Variants in LDLRAD4 observed in about 807,000 individuals in gnomAD.
LDLRAD4 encodes the protein low density lipoprotein receptor class A domain containing 4, also known as low-density lipoprotein receptor class A domain-containing protein 4.
Under a neutral mutation model 17.0 loss-of-function variants are expected in LDLRAD4, and 5 were observed. The observed-to-expected ratio is 0.29, with a 90% CI of 0.15 to 0.62. The LOEUF (loss-of-function observed/expected upper bound fraction) is 0.62. Among genes scored for constraint, LDLRAD4 ranks in the 20% least tolerant of loss-of-function variants. The pLI is 0.84. For synonymous variants in LDLRAD4, 168 were observed against 171.8 expected (o/e 0.98, Z 0.17); for missense variants, 340 against 424.7 (o/e 0.80, Z 1.75).
intron 1 of LDLRAD4, among the ~76,000 whole-genome samples, chr18:13,254,622 G>A (rs1283379070): frequency 6.6e-6 from 1 of 152,190 alleles, no homozygotes; most frequent in Non-Finnish European, 1.5e-5. Context: ...GACCTACAGT[G>A]AGCCTCAAGA....
chr18:13,447,451 A>G (rs569760234), intron 3 of LDLRAD4, among the ~76,000 whole-genome samples: 2 of 152,230 alleles, frequency 1.3e-5, no homozygotes, highest in East Asian at 3.9e-4. Context: ...GCCTTTTCAA[A>G]TAAACAAAGG....
At chr18:13,571,183 C>T (rs1785146) in intron 3 of LDLRAD4, among the ~76,000 whole-genome samples, 41,145 of 152,008 alleles carry the variant, frequency 0.27, 6,863 homozygotes, top group African/African-American at 0.46. Flanking sequence ...TATGCCTGGC[C>T]AGGCAGATTC....
intron 1 of LDLRAD4, among the ~76,000 whole-genome samples, chr18:13,225,720 T>C (rs2041747125): frequency 6.6e-6 from 1 of 152,246 alleles, no homozygotes; most frequent in Non-Finnish European, 1.5e-5. Flanking sequence ...ACTGAAATTA[T>C]CTATGATCTC....
intron 3 of LDLRAD4, among the ~76,000 whole-genome samples, chr18:13,512,524 G>T (rs1421039792): frequency 6.6e-6 from 1 of 152,146 alleles, no homozygotes; most frequent in Non-Finnish European, 1.5e-5. Context: ...TAATAGTTTT[G>T]CTGCTCTTGA....
intron 3 of LDLRAD4, among the ~76,000 whole-genome samples, chr18:13,468,624 G>A (rs57496512): frequency 0.078 from 11,930 of 152,040 alleles, 605 homozygotes; most frequent in East Asian, 0.13. Context: ...CGATAGACTG[G>A]ATTAAGAAAA....
At chr18:13,232,306 G>T (rs1450606835) in intron 1 of LDLRAD4, among the ~76,000 whole-genome samples, 2 of 152,184 alleles carry the variant, frequency 1.3e-5, no homozygotes, top group Non-Finnish European at 1.5e-5. Flanking sequence ...TGCCAGTGTG[G>T]CCCCTCTCCT....
At chr18:13,304,676 C>T (rs1452282800) in intron 1 of LDLRAD4, among the ~76,000 whole-genome samples, 1 of 152,216 alleles carries the variant, frequency 6.6e-6, no homozygotes. Context: ...GTTTAACCTG[C>T]TGCAGGTTTG....
chr18:13,641,661 C>T, intron 4 of LDLRAD4: 1 of 698,110 alleles, frequency 1.4e-6, no homozygotes, highest in Non-Finnish European at 1.8e-6. Flanking sequence ...CCCAGAGGAG[C>T]AGCAGGCGCG....
chr18:13,546,553 G>C (rs569021558), intron 3 of LDLRAD4, among the ~76,000 whole-genome samples: 9 of 151,274 alleles, frequency 5.9e-5, no homozygotes, highest in Admixed American at 5.9e-4. Context: ...ATTTTTTGTA[G>C]AGACAGGGTC....
intron 1 of LDLRAD4, among the ~76,000 whole-genome samples, chr18:13,347,654 T>C (rs965138402): frequency 1.3e-5 from 2 of 152,216 alleles, no homozygotes; most frequent in Non-Finnish European, 2.9e-5. Flanking sequence ...CTGGATAATA[T>C]CCTGCAGGGT....
chr18:13,590,587 T>C (rs1166846143), intron 3 of LDLRAD4, among the ~76,000 whole-genome samples: 1 of 152,194 alleles, frequency 6.6e-6, no homozygotes, highest in African/African-American at 2.4e-5. Flanking sequence ...CCTCTTCAAA[T>C]CTACAGCATT....
intron 3 of LDLRAD4, among the ~76,000 whole-genome samples, chr18:13,584,946 C>T (rs1219203982): frequency 1.3e-5 from 2 of 152,236 alleles, no homozygotes; most frequent in African/African-American, 4.8e-5. Context: ...ATTAGGGTGT[C>T]CTTATCCTTC....
chr18:13,627,654 G>C (rs1447919597), intron 4 of LDLRAD4, among the ~76,000 whole-genome samples: 1 of 152,232 alleles, frequency 6.6e-6, no homozygotes, highest in African/African-American at 2.4e-5. Flanking sequence ...GGTCAACAGT[G>C]CTGTGCGTGT....
At chr18:13,251,807 GA>G in intron 1 of LDLRAD4, among the ~76,000 whole-genome samples, 1 of 152,342 alleles carries the variant, frequency 6.6e-6, no homozygotes, top group African/African-American at 2.4e-5. Context: ...CAGCTTCAAT[GA>G]AGCCTCTGTT....
chr18:13,540,812 A>G (rs1056785580), intron 3 of LDLRAD4, among the ~76,000 whole-genome samples: 1 of 152,236 alleles, frequency 6.6e-6, no homozygotes, highest in East Asian at 1.9e-4. Context: ...GATAACAGTT[A>G]TAAGATGGAA....
intron 3 of LDLRAD4, among the ~76,000 whole-genome samples, chr18:13,578,825 G>GTTTTTTTTT (rs1286958694): frequency 2.4e-4 from 12 of 49,870 alleles, no homozygotes; most frequent in South Asian, 8.0e-4. Context: ...AGTTGTCCGG[G>GTTTTTTTTT]TCTTTTTTTT....
At chr18:13,320,283 G>A (rs997806380) in intron 1 of LDLRAD4, among the ~76,000 whole-genome samples, 3 of 152,238 alleles carry the variant, frequency 2.0e-5, no homozygotes, top group African/African-American at 7.2e-5. Context: ...AGTCGTATTA[G>A]GTGACTGACA....
chr18:13,457,876 A>G (rs2092228293), intron 3 of LDLRAD4, among the ~76,000 whole-genome samples: 1 of 152,216 alleles, frequency 6.6e-6, no homozygotes, highest in African/African-American at 2.4e-5. Flanking sequence ...AGGCAGGACC[A>G]TGCTCAGGGA....
intron 3 of LDLRAD4, among the ~76,000 whole-genome samples, chr18:13,478,114 C>T (rs867413169): frequency 6.6e-6 from 1 of 152,196 alleles, no homozygotes; most frequent in African/African-American, 2.4e-5. Context: ...CCCCTCCTCA[C>T]GGTCTCTGCC....
Sources: allele counts gnomAD v4.1 joint callset (sites outside exome capture counted in the v4.1 genomes callset), GRCh38; gene constraint gnomAD v4.1.1; transcripts MANE v1.5; gene names NCBI Gene and HGNC (gene_info 2026-07-23, HGNC 2026-07-21).